Variants in GPM6A observed in about 807,000 individuals in gnomAD.
The protein encoded by GPM6A is neuronal membrane glycoprotein M6-a.
Under a neutral mutation model 32.1 loss-of-function variants are expected in GPM6A, and 7 were observed. The observed-to-expected ratio is 0.22, with a 90% CI of 0.12 to 0.41. The LOEUF is 0.41. Among genes scored for constraint, GPM6A ranks in the 10% least tolerant of loss-of-function variants. The pLI, the probability that GPM6A is intolerant of heterozygous loss-of-function variation, is 1.00. For missense variants in GPM6A, 235 were observed against 347.2 expected, an observed-to-expected ratio of 0.68 and a Z score of 2.57; for synonymous variants, 130 against 123.4, an observed-to-expected ratio of 1.05 and a Z score of -0.35.
At chr4:175,869,253 T>C (rs886725271) in intron 1 of GPM6A, among the ~76,000 whole-genome samples, 1 of 152,210 alleles carries the variant, frequency 6.6e-6, no homozygotes, top group Non-Finnish European at 1.5e-5. Flanking sequence ...GTAATCATAC[T>C]TTATACAGAT....
chr4:175,857,712 C>A (rs1375583850), intron 1 of GPM6A, among the ~76,000 whole-genome samples: 1 of 151,628 alleles, frequency 6.6e-6, no homozygotes, highest in Non-Finnish European at 1.5e-5. Flanking sequence ...GAAACTCTCT[C>A]AAGCTGATAA....
intron 1 of GPM6A, among the ~76,000 whole-genome samples, chr4:175,713,435 C>A (rs1004148608): frequency 6.7e-5 from 10 of 148,716 alleles, no homozygotes; most frequent in African/African-American, 2.6e-4. Context: ...TTGTGATCCG[C>A]CTGTCTCAGC....
chr4:175,696,779 ACAG>A (rs1398335460), intron 2 of GPM6A, among the ~76,000 whole-genome samples: 1 of 152,158 alleles, frequency 6.6e-6, no homozygotes, highest in Non-Finnish European at 1.5e-5. Flanking sequence ...CTATTAATTC[ACAG>A]TTTTCCCTTC....
chr4:175,932,155 T>G (rs1739071892), intron 1 of GPM6A, among the ~76,000 whole-genome samples: 1 of 151,406 alleles, frequency 6.6e-6, no homozygotes, highest in Non-Finnish European at 1.5e-5. Context: ...ATGATAAGTA[T>G]GGAAGTATAT....
intron 1 of GPM6A, among the ~76,000 whole-genome samples, chr4:175,929,486 C>T (rs369094138): frequency 6.6e-6 from 1 of 152,138 alleles, no homozygotes; most frequent in South Asian, 2.1e-4. Flanking sequence ...GATTAAAATA[C>T]AAATAAAGTA....
chr4:175,835,534 C>T (rs771938486), intron 1 of GPM6A, among the ~76,000 whole-genome samples: 8 of 151,046 alleles, frequency 5.3e-5, no homozygotes, highest in African/African-American at 7.3e-5. Context: ...TTTCTAACCA[C>T]CACTATACTG....
intron 3 of GPM6A, among the ~76,000 whole-genome samples, chr4:175,670,815 G>A (rs1743014498): frequency 2.6e-5 from 4 of 151,618 alleles, no homozygotes. Context: ...ATTAAGTAAA[G>A]GGAATATTGA....
chr4:175,812,357 A>C, upstream of GPM6A: 1 of 1,320,496 alleles, frequency 7.6e-7, no homozygotes, highest in Non-Finnish European at 9.6e-7. Context: ...AAGCTCCAAC[A>C]GCAGTGGCTT....
intron 1 of GPM6A, among the ~76,000 whole-genome samples, chr4:175,902,184 T>C (rs1475200462): frequency 6.6e-6 from 1 of 152,032 alleles, no homozygotes. Flanking sequence ...ATTACTGATA[T>C]GGGGAACAAC....
intron 1 of GPM6A, among the ~76,000 whole-genome samples, chr4:175,793,523 T>G (rs1234914736): frequency 6.6e-6 from 1 of 152,120 alleles, no homozygotes; most frequent in East Asian, 1.9e-4. Context: ...AATATAGGCA[T>G]GCACCACCAC....
intron 1 of GPM6A, among the ~76,000 whole-genome samples, chr4:175,769,980 A>G (rs911939256): frequency 6.6e-6 from 1 of 152,118 alleles, no homozygotes; most frequent in Non-Finnish European, 1.5e-5. Flanking sequence ...TGCACGTTTG[A>G]CCTATTATAA....
At chr4:175,709,584 C>T (rs544501144) in intron 1 of GPM6A, among the ~76,000 whole-genome samples, 2 of 151,734 alleles carry the variant, frequency 1.3e-5, no homozygotes, top group African/African-American at 2.4e-5. Context: ...AAAAATTAGC[C>T]GAGCGTGGTG....
rs1257529182 is a variant in GPM6A at position 175,643,946 on chromosome 4, G to A, written c.542-3117C>T. Among the ~76,000 whole-genome samples, 3 of 152,014 alleles carry A rather than the reference G, an allele frequency of 2.0e-5. No individual in the cohort carries two copies. In the East Asian group the frequency reaches 5.8e-4, roughly 29 times the overall value. ...AGTGCCGGCCACCCACTGCACATGC[G>A]GACAGCCCACCTCAAGGGAAGAACC... On this transcript the variant is annotated intron_variant, in intron 4 of 6. Transcript: ENST00000393658.
At chr4:175,690,042 G>C (rs1366753721) in intron 2 of GPM6A, among the ~76,000 whole-genome samples, 1 of 152,156 alleles carries the variant, frequency 6.6e-6, no homozygotes, top group Non-Finnish European at 1.5e-5. Flanking sequence ...TACGGGCTTT[G>C]TGCTCACCTG....
At chr4:175,675,255 A>G (rs1026844702) in intron 2 of GPM6A, among the ~76,000 whole-genome samples, 9 of 150,696 alleles carry the variant, frequency 6.0e-5, no homozygotes, top group African/African-American at 1.9e-4. Context: ...ATGTATATAT[A>G]TTATATATAT....
chr4:175,688,325 A>G (rs941324748), intron 2 of GPM6A, among the ~76,000 whole-genome samples: 3 of 152,088 alleles, frequency 2.0e-5, no homozygotes, highest in African/African-American at 7.2e-5. Context: ...CAGTTTTATA[A>G]TTTTAGGTCT....
intron 1 of GPM6A, among the ~76,000 whole-genome samples, chr4:175,866,905 C>T (rs1736758751): frequency 6.6e-6 from 1 of 152,188 alleles, no homozygotes; most frequent in Non-Finnish European, 1.5e-5. Context: ...GTTTTGGATG[C>T]TCCATATCTT....
intron 2 of GPM6A, 72 bp downstream of exon 2, chr4:175,701,503 C>A (rs1744878132): frequency 9.6e-7 from 1 of 1,038,732 alleles, no homozygotes; most frequent in Admixed American, 1.8e-5. Flanking sequence ...TAACTGTAGG[C>A]CCCTAATCAT....
chr4:175,823,984 C>CT (rs1303450213), intron 1 of GPM6A, among the ~76,000 whole-genome samples: 1 of 152,046 alleles, frequency 6.6e-6, no homozygotes, highest in African/African-American at 2.4e-5. Context: ...CACATTGTTC[C>CT]TTTTTTTGTG....
Sources: gnomAD v4.1 joint callset for allele counts (sites outside exome capture counted in the v4.1 genomes callset) on GRCh38, gnomAD v4.1.1 for gene constraint, MANE v1.5 for transcripts, NCBI Gene and HGNC (gene_info 2026-07-23, HGNC 2026-07-21) for gene names.